FAT1: variants seen among roughly 807,000 people sequenced by gnomAD.
FAT1 encodes FAT atypical cadherin 1.
A neutral mutation model predicts 329.8 loss-of-function variants in FAT1; 171 were observed. The ratio of observed to expected loss-of-function variants is 0.52; its 90% confidence interval spans 0.46 to 0.59. FAT1 has a LOEUF of 0.59. Ranked by LOEUF, FAT1 falls within the 20% of genes least tolerant of loss-of-function variation. FAT1 has a pLI of 0.00. For missense variants in FAT1, 5,672 were observed against 5,774.4 expected, an observed-to-expected ratio of 0.98 and a Z score of 0.57; for synonymous variants, 2,233 against 2,228.6, an observed-to-expected ratio of 1.00 and a Z score of -0.06.
chr4:186,664,943 G>A (rs1343349306), intron 2 of FAT1, among the ~76,000 whole-genome samples: 1 of 152,122 alleles, frequency 6.6e-6, no homozygotes, highest in Non-Finnish European at 1.5e-5. Context: ...ATACACTGTT[G>A]CAATTCGTAA....
chr4:186,716,892 T>A (rs1745231367), intron 1 of FAT1, among the ~76,000 whole-genome samples: 3 of 152,128 alleles, frequency 2.0e-5, no homozygotes, highest in Admixed American at 1.3e-4. Flanking sequence ...CAAGCGATTC[T>A]CATGCCTCAG....
chr4:186,645,868 C>G (rs998230909), intron 3 of FAT1, among the ~76,000 whole-genome samples: 6 of 150,068 alleles, frequency 4.0e-5, no homozygotes, highest in Non-Finnish European at 8.9e-5. Context: ...CTCACTTGGA[C>G]CTGGGAAGCC....
At chr4:186,696,244 TCA>T (rs1744032097) in intron 2 of FAT1, among the ~76,000 whole-genome samples, 1 of 152,226 alleles carries the variant, frequency 6.6e-6, no homozygotes, top group Non-Finnish European at 1.5e-5. Flanking sequence ...ACTTTCCTAA[TCA>T]GTTTCCATCT....
At position 186,709,518 on chromosome 4, in the gene FAT1, T is replaced by C. The variant is rs2126704805; in HGVS notation, c.310A>G (p.Asn104Asp). The C allele has an allele frequency of 1.2e-6, 2 of 1,613,988 alleles. No homozygotes were observed. Among genetic ancestry groups the C allele is most frequent in the Non-Finnish European group, 1.7e-6 (2 of 1,179,876 alleles). Reference sequence around the variant, plus strand: ...ACTTCTCTATTAAGAATAGCTGTATTTCCTCCTTTGGTCCTTATTCTTAGA... The same window carrying C: ...ACTTCTCTATTAAGAATAGCTGTATCTCCTCCTTTGGTCCTTATTCTTAGA... Reference protein sequence around the residue: ...CFLRIRTKGGNTAILNREVKD... With the variant: ...CFLRIRTKGGDTAILNREVKD... The change falls in exon 2 of 27, where the codon AAT (asparagine) becomes GAT (aspartate). Residue 104 changes from asparagine (N) to aspartate (D), a missense_variant. By Grantham distance (23) the Asn-to-Asp change is conservative (BLOSUM62 1). This residue lies in a region of FAT1 where 3,966 missense variants were observed against 3,915.2 expected (regional missense o/e 1.01). Transcript: ENST00000441802.
intron 3 of FAT1, among the ~76,000 whole-genome samples, chr4:186,652,271 G>A (rs1410856539): frequency 6.6e-6 from 1 of 152,116 alleles, no homozygotes; most frequent in African/African-American, 2.4e-5. Context: ...GAAGAGGATA[G>A]GGTACACAAC....
chr4:186,717,046 C>G (rs886764004), intron 1 of FAT1, among the ~76,000 whole-genome samples: 2 of 152,108 alleles, frequency 1.3e-5, no homozygotes, highest in African/African-American at 4.8e-5. Flanking sequence ...GGATTACAGG[C>G]ATGAGCCACC....
chr4:186,605,902 G>C (rs1315490302), intron 17 of FAT1, among the ~76,000 whole-genome samples, 168 bp downstream of exon 17: 3 of 152,052 alleles, frequency 2.0e-5, no homozygotes. Context: ...ATAAAAGCTT[G>C]GCTTTATCTT....
chr4:186,636,144 G>C lies in FAT1; in HGVS notation c.4064C>G (p.Pro1355Arg), dbSNP rs550075240. The C allele has an allele frequency of 5.6e-6, 9 of 1,613,970 alleles. No homozygotes were observed. Among genetic ancestry groups the C allele is most frequent in the Admixed American group, 1.7e-5 (1 of 60,024 alleles). ...AAAAAATGATTCTTCAAATGAAATG[G>C]GCTCCAGGGACGGTTTGGGCTTGGA... Reference protein sequence around the residue: ...WISKPKPSLEPISFEESFFTF... With the variant: ...WISKPKPSLERISFEESFFTF... Residue 1355 changes from proline (P) to arginine (R), a missense_variant, in exon 6 of 27, where the codon CCC becomes CGC. By Grantham distance (103) the Pro-to-Arg change is moderately radical. Coordinates refer to ENST00000441802, the MANE Select transcript of FAT1 (RefSeq NM_005245.4).
intron 3 of FAT1, among the ~76,000 whole-genome samples, chr4:186,660,225 T>C (rs1230409227): frequency 6.6e-6 from 1 of 152,116 alleles, no homozygotes; most frequent in Admixed American, 6.5e-5. Context: ...GCCGCCATGA[T>C]ACTGACCTAC....
intron 3 of FAT1, among the ~76,000 whole-genome samples, chr4:186,662,538 T>A (rs1012474501): frequency 2.0e-5 from 3 of 152,050 alleles, no homozygotes; most frequent in Non-Finnish European, 4.4e-5. Flanking sequence ...AACTGTTCAA[T>A]CCCAATCCCT....
At chr4:186,625,828 C>T (rs1029030942) in intron 9 of FAT1, among the ~76,000 whole-genome samples, 1 of 152,232 alleles carries the variant, frequency 6.6e-6, no homozygotes, top group Admixed American at 6.5e-5. Flanking sequence ...CTGTTTCTAT[C>T]GGGGTGGAAC....
chr4:186,685,618 G>A (rs545638385), intron 2 of FAT1, among the ~76,000 whole-genome samples: 11 of 152,278 alleles, frequency 7.2e-5, no homozygotes, highest in Non-Finnish European at 1.5e-4. Context: ...TTAACCAGTG[G>A]TTATTTTCAA....
Position 186,709,086 on chromosome 4 carries a change from C to T in FAT1, c.742G>A (p.Glu248Lys), listed in dbSNP as rs368175691. 49 of 1,613,666 alleles carry T rather than the reference C, an allele frequency of 3.0e-5. No homozygotes were observed. Among genetic ancestry groups the T allele is most frequent in the Admixed American group, 1.7e-4 (10 of 60,004 alleles). ...ACCGGAGCACATTCATTGGCCTGTTCGATGTGCACCGTTAGCTTGGCCATG... is the reference window on the plus strand; with the variant it reads ...ACCGGAGCACATTCATTGGCCTGTTTGATGTGCACCGTTAGCTTGGCCATG... ...SSMAKLTVHIEQANECAPVIT... is the reference protein window; with the variant it reads ...SSMAKLTVHIKQANECAPVIT... The change falls in exon 2 of 27, where the codon GAA becomes AAA. Residue 248 changes from glutamate (E) to lysine (K), a missense_variant. Physicochemically the swap from Glu to Lys is moderately conservative, Grantham distance 56. Transcript: ENST00000441802.
rs1180210666 is a variant in FAT1 at position 186,707,111 on chromosome 4, T to G, written c.2717A>C (p.Gln906Pro). The change falls in exon 2 of 27, where the codon CAG becomes CCG. Residue 906 changes from glutamine to proline, a missense_variant. Transcript: ENST00000441802. ...EARDQAREEP[Q>P]LFSTVVVKVS... is the part of the protein sequence containing the mutation. ...TTTCACAACGACAGTGGAGAACAGCTGAGGCTCTTCTCTGGCTTGGTCCCT... is the reference window on the plus strand; with the variant it reads ...TTTCACAACGACAGTGGAGAACAGCGGAGGCTCTTCTCTGGCTTGGTCCCT... The G allele has an allele frequency of 1.2e-6, 2 of 1,614,014 alleles. No individual in the cohort carries two copies. The highest frequency in any genetic ancestry group is 3.3e-5 in the Admixed American group (2 of 60,030).
intron 2 of FAT1, among the ~76,000 whole-genome samples, chr4:186,663,814 T>C (rs1252678231): frequency 6.6e-6 from 1 of 152,142 alleles, no homozygotes; most frequent in Non-Finnish European, 1.5e-5. Flanking sequence ...TCAACTAACA[T>C]GCATATAATG....
intron 11 of FAT1, among the ~76,000 whole-genome samples, chr4:186,616,160 T>C (rs747947602): frequency 2.0e-5 from 3 of 152,098 alleles, no homozygotes; most frequent in South Asian, 4.2e-4. Flanking sequence ...GTCTAAATAA[T>C]GGGCACGATG....
chr4:186,707,901 G>C lies in FAT1; in HGVS notation c.1927C>G (p.Leu643Val), dbSNP rs1158785322. ...TCTCCATCTGTAGCTGTGATTCTCA[G>C]ACTGTGGAAAGACACCTTTGCACCT... Reference protein sequence around the residue: ...GLGAKVSFHSLRITATDGENF... With the variant: ...GLGAKVSFHSVRITATDGENF... The change falls in exon 2 of 27, where the codon CTG becomes GTG. Residue 643 changes from leucine (L) to valine (V), a missense_variant. Physicochemically the swap from Leu to Val is conservative, Grantham distance 32. Transcript: ENST00000441802. 6.2e-7 allele frequency: 1 copy of C among 1,613,930 alleles called. No individual in the cohort carries two copies. The highest frequency in any genetic ancestry group is 1.7e-5 in the Admixed American group (1 of 60,032).
chr4:186,595,285 T>C (rs1431749140), intron 26 of FAT1, among the ~76,000 whole-genome samples: 2 of 149,324 alleles, frequency 1.3e-5, no homozygotes, highest in Middle Eastern at 3.4e-3. Flanking sequence ...ATCACATCTC[T>C]TCTTAGAGGG....
chr4:186,636,535 G>A lies in FAT1; in HGVS notation c.3972+50C>T, dbSNP rs758179499. ...TACTAAAGAAAAAATACAAAATAAG[G>A]TTTATAGTCACAACATATGAAAAAT... is the stretch of plus-strand genomic sequence containing the variant. On this transcript the variant is annotated intron_variant, in intron 5 of 26. Transcript: ENST00000441802. The A allele has an allele frequency of 9.4e-6, 14 of 1,497,004 alleles. No homozygotes were observed. The South Asian group carries it at 1.8e-4, about 20-fold the overall frequency. The allele number at this position is 1,497,004 out of a possible 1,614,324, so 92.7% of individuals were successfully genotyped here.
Sources: gnomAD v4.1 joint callset for allele counts (sites outside exome capture counted in the v4.1 genomes callset) on GRCh38, gnomAD v4.1.1 for gene constraint, gnomAD v4.1.1 regional missense constraint, MANE v1.5 for transcripts, NCBI Gene and HGNC (gene_info 2026-07-23, HGNC 2026-07-21) for gene names.